CDH12: variants seen among roughly 807,000 people sequenced by gnomAD.
The protein encoded by CDH12 is cadherin 12, also known as cadherin-12.
CDH12 carries 41 observed loss-of-function variants against 74.1 expected under a neutral mutation model. The ratio of observed to expected loss-of-function variants is 0.55; its 90% CI spans 0.43 to 0.72. The LOEUF is 0.72. CDH12 is among the 30% of genes least tolerant of loss of function. CDH12 has a pLI of 0.00. For synonymous variants in CDH12, 399 were observed against 355.0 expected, an observed-to-expected ratio of 1.12 and a Z score of -1.39; for missense variants, 945 against 977.2, an observed-to-expected ratio of 0.97 and a Z score of 0.44.
At chr5:22,230,793 A>T (rs932809425) in intron 3 of CDH12, among the ~76,000 whole-genome samples, 3 of 152,084 alleles carry the variant, frequency 2.0e-5, no homozygotes, top group Admixed American at 6.5e-5. Flanking sequence ...CTCCAAGATG[A>T]TGCATGGAGG....
At chr5:22,002,172 T>C (rs1387428828) in intron 5 of CDH12, among the ~76,000 whole-genome samples, 1 of 152,170 alleles carries the variant, frequency 6.6e-6, no homozygotes, top group Non-Finnish European at 1.5e-5. Flanking sequence ...ATGAAAAATA[T>C]TCCAAACATT....
intron 1 of CDH12, among the ~76,000 whole-genome samples, chr5:22,840,099 T>C (rs544783880): frequency 1.6e-4 from 24 of 152,300 alleles, no homozygotes; most frequent in African/African-American, 5.5e-4. Context: ...GATGACTTTT[T>C]AAAATCTTTT....
At position 22,827,987 on chromosome 5, in the gene CDH12, A is replaced by T. The variant is rs1223234411; in HGVS notation, c.-523+25071T>A. 3.3e-5 allele frequency among the ~76,000 whole-genome samples: 5 copies of T among 152,208 alleles called. No homozygotes were observed. The East Asian group carries it at 7.7e-4, about 23-fold the overall frequency. ...TAAAAATTATTTAAAAAGTAAAATA[A>T]TATGGGCATTTGTTCTAAAGTTCCT... On this transcript the variant is annotated intron_variant, in intron 1 of 14. Transcript: ENST00000382254.
intron 10 of CDH12, among the ~76,000 whole-genome samples, chr5:21,789,845 A>G (rs1746394537): frequency 6.6e-6 from 1 of 152,120 alleles, no homozygotes; most frequent in African/African-American, 2.4e-5. Flanking sequence ...AAATTTCCTG[A>G]GAGCAGAGAC....
At chr5:22,382,455 G>A (rs1741809373) in intron 3 of CDH12, among the ~76,000 whole-genome samples, 1 of 151,806 alleles carries the variant, frequency 6.6e-6, no homozygotes, top group African/African-American at 2.4e-5. Context: ...GATGCACCAT[G>A]AGTGTTGCAT....
At chr5:22,033,615 T>C (rs1738977327) in intron 5 of CDH12, among the ~76,000 whole-genome samples, 1 of 152,178 alleles carries the variant, frequency 6.6e-6, no homozygotes, top group Non-Finnish European at 1.5e-5. Flanking sequence ...CTGCAAGAAA[T>C]CTAATAAAGT....
chr5:22,326,208 CTGTAA>C (rs1301001338), intron 3 of CDH12, among the ~76,000 whole-genome samples: 3 of 150,032 alleles, frequency 2.0e-5, no homozygotes. Context: ...TTCAGCAGGA[CTGTAA>C]TTTCCCAGTT....
In CDH12 at chr5:22,078,437, C is replaced by T. The variant is rs775524835; in HGVS notation, c.231+9G>A. ...TATCAAGCGGTTGTCAAAAGAAATACGCCATTACCTTTCCCACATACTGAG... is the reference window on the plus strand; with the variant it reads ...TATCAAGCGGTTGTCAAAAGAAATATGCCATTACCTTTCCCACATACTGAG... On this transcript the variant is annotated intron_variant, in intron 5 of 14. Coordinates refer to ENST00000382254, the MANE Select transcript of CDH12 (RefSeq NM_004061.5). The T allele has an allele frequency of 1.1e-5, 17 of 1,611,722 alleles. No individual in the cohort carries two copies. Among genetic ancestry groups the T allele is most frequent in the Admixed American group, 5.0e-5 (3 of 59,938 alleles).
intron 5 of CDH12, among the ~76,000 whole-genome samples, chr5:22,026,137 T>C (rs1204906911): frequency 1.3e-5 from 2 of 152,058 alleles, no homozygotes; most frequent in East Asian, 3.9e-4. Context: ...ATCCAGAAGG[T>C]TATCAATTTA....
chr5:22,138,864 A>ATATATATATATATATATATAT (rs1746620941), intron 4 of CDH12, among the ~76,000 whole-genome samples: 1 of 135,754 alleles, frequency 7.4e-6, no homozygotes, highest in Non-Finnish European at 1.6e-5. Flanking sequence ...ATATATATAT[A>ATATATATATATATATATATAT]TATATATATA....
chr5:21,926,222 G>A (rs1198650788), intron 6 of CDH12, among the ~76,000 whole-genome samples: 1 of 152,140 alleles, frequency 6.6e-6, no homozygotes, highest in African/African-American at 2.4e-5. Context: ...CACTGACCTT[G>A]GGATAGTGTT....
intron 13 of CDH12, among the ~76,000 whole-genome samples, chr5:21,758,432 G>A (rs999760105): frequency 6.6e-6 from 1 of 152,044 alleles, no homozygotes; most frequent in Non-Finnish European, 1.5e-5. Flanking sequence ...AATATCCTCT[G>A]ATTCTATCAT....
intron 4 of CDH12, among the ~76,000 whole-genome samples, chr5:22,154,439 A>ATG (rs1747861493): frequency 4.7e-5 from 4 of 84,826 alleles, no homozygotes; most frequent in Middle Eastern, 0.011. Flanking sequence ...TATAGTGAAT[A>ATG]TATACACATA....
chr5:22,671,971 C>G (rs1449752595), intron 1 of CDH12, among the ~76,000 whole-genome samples: 1 of 141,528 alleles, frequency 7.1e-6, no homozygotes, highest in Non-Finnish European at 1.5e-5. Context: ...ACCTAAAATA[C>G]TTTCTCTATA....
chr5:22,764,897 A>G (rs1025479895), intron 1 of CDH12, among the ~76,000 whole-genome samples: 2 of 151,992 alleles, frequency 1.3e-5, no homozygotes, highest in Non-Finnish European at 2.9e-5. Flanking sequence ...AAGATACATT[A>G]AAGAGATAAG....
At chr5:22,393,746 A>G (rs886176721) in intron 3 of CDH12, among the ~76,000 whole-genome samples, 1 of 152,170 alleles carries the variant, frequency 6.6e-6, no homozygotes, top group East Asian at 1.9e-4. Context: ...GAGAATAAAT[A>G]AATTTCATAG....
intron 3 of CDH12, among the ~76,000 whole-genome samples, chr5:22,247,615 C>T (rs1260969509): frequency 6.6e-6 from 1 of 151,578 alleles, no homozygotes; most frequent in Non-Finnish European, 1.5e-5. Flanking sequence ...ACAGAGGCTG[C>T]AGTGAGCTGA....
chr5:21,767,862 A>T (rs1460624601), intron 11 of CDH12, among the ~76,000 whole-genome samples: 1 of 151,746 alleles, frequency 6.6e-6, no homozygotes, highest in African/African-American at 2.4e-5. Context: ...TCAAATATGA[A>T]TTGAAATTTT....
intron 3 of CDH12, among the ~76,000 whole-genome samples, chr5:22,247,285 T>C (rs868584370): frequency 7.2e-6 from 1 of 139,254 alleles, no homozygotes; most frequent in African/African-American, 2.7e-5. Context: ...CATGCAATCA[T>C]TAATTCAGCG....
Sources: gnomAD v4.1 joint callset for allele counts (sites outside exome capture counted in the v4.1 genomes callset) on GRCh38, gnomAD v4.1.1 for gene constraint, MANE v1.5 for transcripts, NCBI Gene and HGNC (gene_info 2026-07-23, HGNC 2026-07-21) for gene names.